INPP4B: variants seen among roughly 807,000 people sequenced by gnomAD.
The protein encoded by INPP4B is inositol polyphosphate-4-phosphatase type II B, also known as inositol polyphosphate 4-phosphatase type II.
Under a neutral mutation model 122.5 loss-of-function variants are expected in INPP4B, and 55 were observed. That is an observed-to-expected ratio of 0.45 (90% CI 0.36 to 0.56). INPP4B has a LOEUF of 0.56. Among genes scored for constraint, INPP4B ranks in the 20% least tolerant of loss-of-function variants. INPP4B has a pLI of 0.00. For missense variants in INPP4B, 1,000 were observed against 1,097.7 expected, an observed-to-expected ratio of 0.91 and a Z score of 1.26; for synonymous variants, 403 against 388.7, an observed-to-expected ratio of 1.04 and a Z score of -0.43.
At chr4:142,666,488 G>A (rs1756093186) in intron 2 of INPP4B, among the ~76,000 whole-genome samples, 1 of 151,842 alleles carries the variant, frequency 6.6e-6, no homozygotes, top group Non-Finnish European at 1.5e-5. Flanking sequence ...ATATTATACG[G>A]CAAATAAAAT....
rs1231930317 is a variant in INPP4B, at chr4:142,028,373, CA to C, written c.*408del. On this transcript the variant is annotated 3_prime_UTR_variant, in exon 26 of 26. Transcript: ENST00000262992. ...TCTCATAGGCTATTAAGTTGTATCA[CA>C]AAAAAAATATGTTCCTTTTCCCCCT... 9.8e-5 allele frequency: 23 copies of C among 233,854 alleles called. No homozygotes were observed. The highest frequency in any genetic ancestry group is 1.7e-4 in the South Asian group (1 of 5,784). The allele number at this position is 233,854 out of a possible 1,614,324, so 14.5% of individuals were successfully genotyped here.
intron 1 of INPP4B, among the ~76,000 whole-genome samples, chr4:142,819,212 C>A: frequency 6.6e-6 from 1 of 152,166 alleles, no homozygotes; most frequent in East Asian, 1.9e-4. Flanking sequence ...GCTTTAGCAG[C>A]TTGAGTAAAC....
At position 142,314,591 on chromosome 4, in the gene INPP4B, C is replaced by A. The variant is rs555918962; in HGVS notation, c.423+121G>T. On this transcript the variant is annotated intron_variant, in intron 8 of 25. Transcript: ENST00000262992. ...TATGTGACAGTGCCTCCTTGAAGAG[C>A]CACACCCTGTTAATGTAATTCAATT... The A allele has an allele frequency of 2.9e-5, 26 of 891,090 alleles. 1 individual carries two copies. In the South Asian group the frequency reaches 3.7e-4, roughly 13 times the overall value. The allele number at this position is 891,090 out of a possible 1,614,324, so 55.2% of individuals were successfully genotyped here.
At chr4:142,822,477 G>C (rs1780906512) in intron 1 of INPP4B, among the ~76,000 whole-genome samples, 1 of 152,150 alleles carries the variant, frequency 6.6e-6, no homozygotes, top group Non-Finnish European at 1.5e-5. Flanking sequence ...CCTCCTGTCA[G>C]ATCAGTGGCA....
intron 1 of INPP4B, among the ~76,000 whole-genome samples, chr4:142,806,504 G>A (rs1470289195): frequency 6.6e-6 from 1 of 151,878 alleles, no homozygotes; most frequent in African/African-American, 2.4e-5. Context: ...CACTTTGGGA[G>A]GCCAAGGGGG....
intron 17 of INPP4B, 152 bp downstream of exon 17, chr4:142,160,206 T>A (rs988585157): frequency 4.4e-6 from 2 of 455,716 alleles, no homozygotes; most frequent in African/African-American, 2.0e-5. Flanking sequence ...CAAAAAAAAA[T>A]TGCCCCTAAG....
intron 2 of INPP4B, among the ~76,000 whole-genome samples, chr4:142,534,742 T>C (rs1318344051): frequency 6.6e-6 from 1 of 151,434 alleles, no homozygotes; most frequent in Non-Finnish European, 1.5e-5. Context: ...GAGAGTGTCA[T>C]CAGATTTCAA....
intron 2 of INPP4B, among the ~76,000 whole-genome samples, chr4:142,717,901 AGAAAGC>A (rs374264202): frequency 1.3e-5 from 2 of 150,062 alleles, no homozygotes; most frequent in Non-Finnish European, 3.0e-5. Flanking sequence ...ATAAGAAAAA[AGAAAGC>A]AAAAAAAAAA....
chr4:142,468,011 G>A (rs551438453), intron 2 of INPP4B: 3 of 152,168 alleles, frequency 2.0e-5, no homozygotes, highest in South Asian at 4.2e-4. Context: ...AGCTTTCTGA[G>A]ACCTCATCAG....
intron 7 of INPP4B, among the ~76,000 whole-genome samples, chr4:142,326,443 C>T (rs1300342236): frequency 6.6e-6 from 1 of 152,152 alleles, no homozygotes; most frequent in Non-Finnish European, 1.5e-5. Context: ...GAACTCCATT[C>T]CTGCTGACTC....
intron 2 of INPP4B, among the ~76,000 whole-genome samples, chr4:142,542,479 ATG>A (rs1829051163): frequency 6.6e-6 from 1 of 152,170 alleles, no homozygotes; most frequent in South Asian, 2.1e-4. Flanking sequence ...AGCAAATTTT[ATG>A]TGTCTGATAC....
At chr4:142,221,403 A>AAG (rs1167118112) in intron 12 of INPP4B, among the ~76,000 whole-genome samples, 3 of 150,626 alleles carry the variant, frequency 2.0e-5, no homozygotes, top group African/African-American at 7.3e-5. Context: ...AAAAAAAAAA[A>AAG]AAAAAAAAAA....
At chr4:142,704,032 G>A (rs568130588) in intron 2 of INPP4B, among the ~76,000 whole-genome samples, 1 of 152,240 alleles carries the variant, frequency 6.6e-6, no homozygotes, top group East Asian at 1.9e-4. Flanking sequence ...GAGTGTGTCG[G>A]TAGGAATATC....
chr4:142,754,303 C>T (rs1205633476), intron 1 of INPP4B, among the ~76,000 whole-genome samples: 1 of 151,998 alleles, frequency 6.6e-6, no homozygotes, highest in Admixed American at 6.6e-5. Flanking sequence ...TACTAGTGAG[C>T]TTTTTATTTG....
chr4:142,095,100 C>T (rs890948207), intron 23 of INPP4B, among the ~76,000 whole-genome samples: 2 of 152,082 alleles, frequency 1.3e-5, no homozygotes, highest in Admixed American at 6.6e-5. Context: ...TGTTATTTTC[C>T]GACCCACTTG....
chr4:142,605,433 T>C (rs1466516070), intron 2 of INPP4B, among the ~76,000 whole-genome samples: 1 of 151,890 alleles, frequency 6.6e-6, no homozygotes, highest in African/African-American at 2.4e-5. Flanking sequence ...AATGGGACTA[T>C]ATTAAACTAA....
At chr4:142,188,518 A>AATATAT (rs1834283430) in intron 15 of INPP4B, among the ~76,000 whole-genome samples, 10 of 105,124 alleles carry the variant, frequency 9.5e-5, no homozygotes, top group Admixed American at 1.3e-4. Context: ...AAAGAAAAAA[A>AATATAT]ATATATATAG....
intron 2 of INPP4B, among the ~76,000 whole-genome samples, chr4:142,649,424 C>A (rs187411697): frequency 2.0e-5 from 3 of 152,054 alleles, no homozygotes; most frequent in African/African-American, 7.2e-5. Flanking sequence ...CAAACTTCTC[C>A]GAGCTAAAGA....
At chr4:142,564,448 A>T (rs1376758981) in intron 2 of INPP4B, among the ~76,000 whole-genome samples, 2 of 82,818 alleles carry the variant, frequency 2.4e-5, no homozygotes, top group Non-Finnish European at 6.1e-5. Flanking sequence ...GCAAAAAAAA[A>T]AAAAAAGAAA....
Sources: gnomAD v4.1 joint callset for allele counts (sites outside exome capture counted in the v4.1 genomes callset) on GRCh38, gnomAD v4.1.1 for gene constraint, MANE v1.5 for transcripts, NCBI Gene and HGNC (gene_info 2026-07-23, HGNC 2026-07-21) for gene names.